ZNF892: variants seen among roughly 807,000 people sequenced by gnomAD.
The protein encoded by ZNF892 is zinc finger protein 892.
the ZNF892 span, among the ~76,000 whole-genome samples, chr2:95,222,759 A>G: frequency 1.3e-5 from 2 of 152,180 alleles, no homozygotes; most frequent in African/African-American, 4.8e-5. Context: ...TTATAAAGCA[A>G]AGGTTTTAAA....
chr2:95,249,400 C>G, the ZNF892 span, among the ~76,000 whole-genome samples: 2 of 148,810 alleles, frequency 1.3e-5, no homozygotes, highest in South Asian at 2.1e-4. Flanking sequence ...GCCACCACTC[C>G]TGGCTATTTT....
At chr2:95,238,531 GC>G in the ZNF892 span, among the ~76,000 whole-genome samples, 8 of 152,296 alleles carry the variant, frequency 5.3e-5, no homozygotes, top group East Asian at 1.5e-3. Flanking sequence ...CCACTCTGAA[GC>G]CCATGGATCA....
chr2:95,251,462 A>G, the ZNF892 span, among the ~76,000 whole-genome samples: 2 of 152,236 alleles, frequency 1.3e-5, no homozygotes, highest in Non-Finnish European at 2.9e-5. Flanking sequence ...GCTTAACATT[A>G]GTTAGCCTTT....
At chr2:95,219,451 C>G in the ZNF892 span, among the ~76,000 whole-genome samples, 1 of 151,986 alleles carries the variant, frequency 6.6e-6, no homozygotes, top group East Asian at 1.9e-4. Flanking sequence ...TTGCTGAGAG[C>G]CTTTCTTTGC....
chr2:95,217,215 T>G, the ZNF892 span, among the ~76,000 whole-genome samples: 3 of 152,172 alleles, frequency 2.0e-5, no homozygotes. Flanking sequence ...TCTAGCAGAT[T>G]AGGACTCTGC....
chr2:95,254,272 TGA>T, the ZNF892 span, among the ~76,000 whole-genome samples: 1 of 152,236 alleles, frequency 6.6e-6, no homozygotes, highest in Non-Finnish European at 1.5e-5. Context: ...CCTAATTTAT[TGA>T]GAGTTTTTAG....
At chr2:95,209,148 CTGTT>C in the ZNF892 span, among the ~76,000 whole-genome samples, 2 of 152,016 alleles carry the variant, frequency 1.3e-5, no homozygotes, top group South Asian at 2.1e-4. Flanking sequence ...TTTTTATCAT[CTGTT>C]TGGGAGAAGT....
chr2:95,253,459 C>T, the ZNF892 span, among the ~76,000 whole-genome samples: 1 of 152,136 alleles, frequency 6.6e-6, no homozygotes, highest in Admixed American at 6.5e-5. Context: ...GTTTTGGTAC[C>T]AGTACCATGC....
the ZNF892 span, among the ~76,000 whole-genome samples, chr2:95,212,822 G>A: frequency 6.6e-6 from 1 of 152,142 alleles, no homozygotes; most frequent in Non-Finnish European, 1.5e-5. Flanking sequence ...AATTAAAATG[G>A]GGATAATGAT....
the ZNF892 span, among the ~76,000 whole-genome samples, chr2:95,255,106 C>A: frequency 6.6e-6 from 1 of 152,236 alleles, no homozygotes; most frequent in East Asian, 1.9e-4. Flanking sequence ...TTAGTTATTT[C>A]TTGCCTTCTG....
At chr2:95,229,424 A>G in the ZNF892 span, among the ~76,000 whole-genome samples, 1 of 152,048 alleles carries the variant, frequency 6.6e-6, no homozygotes, top group Non-Finnish European at 1.5e-5. Context: ...TTCCCTTCCC[A>G]GTTAATCCAC....
At chr2:95,245,878 C>T in the ZNF892 span, among the ~76,000 whole-genome samples, 1 of 152,060 alleles carries the variant, frequency 6.6e-6, no homozygotes, top group Non-Finnish European at 1.5e-5. Context: ...TAATAAGTAG[C>T]CTACCAATGA....
the ZNF892 span, among the ~76,000 whole-genome samples, chr2:95,257,251 G>A: frequency 1.3e-5 from 2 of 152,182 alleles, no homozygotes; most frequent in African/African-American, 4.8e-5. Flanking sequence ...GGGTTTTGGT[G>A]TGGATGTCTT....
the ZNF892 span, among the ~76,000 whole-genome samples, chr2:95,227,942 CA>C: frequency 6.6e-6 from 1 of 152,190 alleles, no homozygotes; most frequent in Non-Finnish European, 1.5e-5. Flanking sequence ...TTATTCAACC[CA>C]AACAATCTAA....
chr2:95,214,704 A>C, the ZNF892 span: 1 of 414,342 alleles, frequency 2.4e-6, no homozygotes, highest in Non-Finnish European at 4.3e-6. Flanking sequence ...TTGGAAATGC[A>C]ATGAATGCGA....
the ZNF892 span, among the ~76,000 whole-genome samples, chr2:95,254,940 T>C: frequency 1.3e-5 from 2 of 152,210 alleles, no homozygotes; most frequent in Non-Finnish European, 2.9e-5. Context: ...CCCTTTATCA[T>C]TTTGTATTGC....
the ZNF892 span, chr2:95,214,491 C>T: frequency 2.5e-6 from 1 of 398,446 alleles, no homozygotes; most frequent in Admixed American, 4.4e-5. Context: ...CCATGAGAAA[C>T]ATTTAATACA....
At chr2:95,238,663 G>C in the ZNF892 span, among the ~76,000 whole-genome samples, 2 of 152,168 alleles carry the variant, frequency 1.3e-5, no homozygotes, top group Non-Finnish European at 2.9e-5. Flanking sequence ...CTCTGGAAAG[G>C]AGTCACCATT....
At chr2:95,223,006 C>G in the ZNF892 span, among the ~76,000 whole-genome samples, 2 of 152,206 alleles carry the variant, frequency 1.3e-5, no homozygotes, top group African/African-American at 4.8e-5. Flanking sequence ...TAGTGTTTCT[C>G]CATTGAATTG....
Sources: gnomAD v4.1 joint callset for allele counts (sites outside exome capture counted in the v4.1 genomes callset) on GRCh38, gnomAD v4.1.1 for gene constraint, MANE v1.5 for transcripts, NCBI Gene and HGNC (gene_info 2026-07-23, HGNC 2026-07-21) for gene names.